The following ARHGAP6 variants were observed in gnomAD, a reference collection of about 807,000 sequenced individuals.
The protein encoded by ARHGAP6 is rho GTPase-activating protein 6.
A neutral mutation model predicts 55.7 loss-of-function variants in ARHGAP6; 16 were observed. That is an observed-to-expected ratio of 0.29 (90% CI 0.19 to 0.44). The LOEUF (loss-of-function observed/expected upper bound fraction) is 0.44, where lower values mean the gene tolerates loss of function less well. Ranked by LOEUF, ARHGAP6 falls within the 20% of genes least tolerant of loss-of-function variation. The pLI is 1.00. For synonymous variants in ARHGAP6, 382 were observed against 360.9 expected, an observed-to-expected ratio of 1.06 and a Z score of -0.66; for missense variants, 698 against 808.9, an observed-to-expected ratio of 0.86 and a Z score of 1.66.
At chrX:11,496,599 T>G (rs909160695) in intron 1 of ARHGAP6, among the ~76,000 whole-genome samples, 4 of 112,225 alleles carry the variant, frequency 3.6e-5, no homozygotes, top group Non-Finnish European at 7.5e-5. Context: ...ATTGTGCTTA[T>G]TTGTAACATT....
At chrX:11,394,620 C>T (rs2049454056) in intron 1 of ARHGAP6, among the ~76,000 whole-genome samples, 2 of 112,059 alleles carry the variant, frequency 1.8e-5, no homozygotes, top group South Asian at 7.4e-4. Flanking sequence ...TAATCTTATA[C>T]ATTCAAAATA....
intron 2 of ARHGAP6, among the ~76,000 whole-genome samples, chrX:11,254,126 T>C (rs999067932): frequency 9.0e-6 from 1 of 111,729 alleles, no homozygotes; most frequent in African/African-American, 3.2e-5. Flanking sequence ...AATCCCTGAT[T>C]CTGAGTTGGC....
intron 1 of ARHGAP6, among the ~76,000 whole-genome samples, chrX:11,332,776 A>G (rs2048577904): frequency 8.9e-6 from 1 of 112,310 alleles, no homozygotes; most frequent in Non-Finnish European, 1.9e-5. Flanking sequence ...CACAAGTTTT[A>G]CATGTTATCA....
intron 1 of ARHGAP6, among the ~76,000 whole-genome samples, chrX:11,453,122 A>G (rs1383665410): frequency 9.4e-6 from 1 of 106,928 alleles, no homozygotes; most frequent in Non-Finnish European, 1.9e-5. Flanking sequence ...AGAAGTGGTC[A>G]AGCTAAAATT....
intron 4 of ARHGAP6, among the ~76,000 whole-genome samples, chrX:11,186,919 C>T (rs1467072717): frequency 2.7e-5 from 3 of 110,592 alleles, no homozygotes; most frequent in Non-Finnish European, 3.8e-5. Flanking sequence ...GAGAAGTGGT[C>T]CTGGGAAACA....
chrX:11,607,805 A>G (rs777367888), intron 1 of ARHGAP6, among the ~76,000 whole-genome samples: 5 of 112,329 alleles, frequency 4.5e-5, no homozygotes, highest in Non-Finnish European at 9.4e-5. Flanking sequence ...TGGGGCAACA[A>G]ATAATTTGTA....
At chrX:11,620,375 A>G (rs2052213725) in intron 1 of ARHGAP6, among the ~76,000 whole-genome samples, 1 of 112,675 alleles carries the variant, frequency 8.9e-6, no homozygotes, top group Admixed American at 9.4e-5. Flanking sequence ...CGAAACATGC[A>G]ATTGTGATAA....
At chrX:11,532,216 A>C (rs1026478932) in intron 1 of ARHGAP6, among the ~76,000 whole-genome samples, 3 of 112,602 alleles carry the variant, frequency 2.7e-5, no homozygotes, top group African/African-American at 9.7e-5. Context: ...CACTTTATAC[A>C]TACGTACCGA....
intron 1 of ARHGAP6, among the ~76,000 whole-genome samples, chrX:11,432,638 T>C (rs1400419807): frequency 8.9e-6 from 1 of 112,230 alleles, no homozygotes; most frequent in Non-Finnish European, 1.9e-5. Context: ...TTTTTAAGTC[T>C]TTTTCATGGG....
chrX:11,427,575 G>A (rs1266794037), intron 1 of ARHGAP6: 1 of 915,119 alleles, frequency 1.1e-6, no homozygotes, highest in Non-Finnish European at 1.4e-6. Context: ...GCTTCTCGCC[G>A]CGGTACACCG....
At chrX:11,481,280 T>C (rs371268225) in intron 1 of ARHGAP6, among the ~76,000 whole-genome samples, 3 of 112,106 alleles carry the variant, frequency 2.7e-5, no homozygotes, top group African/African-American at 9.7e-5. Context: ...TGAGCTTCTC[T>C]TAGGGAAGCT....
intron 1 of ARHGAP6, among the ~76,000 whole-genome samples, chrX:11,473,220 C>T (rs922225047): frequency 7.2e-5 from 8 of 111,373 alleles, no homozygotes; most frequent in Non-Finnish European, 1.5e-4. Flanking sequence ...GAACAAAAGA[C>T]ATGGTACATA....
intron 1 of ARHGAP6, among the ~76,000 whole-genome samples, chrX:11,276,059 A>G (rs1258226422): frequency 8.9e-6 from 1 of 111,865 alleles, no homozygotes; most frequent in East Asian, 2.8e-4. Context: ...TCAAGGTTCC[A>G]AATGACCTAG....
chrX:11,532,191 T>C (rs772000855), intron 1 of ARHGAP6, among the ~76,000 whole-genome samples: 7 of 112,518 alleles, frequency 6.2e-5, no homozygotes, highest in Admixed American at 9.4e-5. Flanking sequence ...TGCCATTTCT[T>C]ATGTTCATCA....
rs1453138765 is a variant in ARHGAP6, at chrX:11,664,740, C to T, written c.89G>A (p.Arg30Lys). Residue 30 changes from arginine (R) to lysine (K), a missense_variant, in exon 1 of 13, where the codon AGG becomes AAG. By Grantham distance (26) the Arg-to-Lys change is conservative. Coordinates refer to ENST00000337414, the MANE Select transcript of ARHGAP6 (RefSeq NM_013427.3). ...CAGGCTGCGGGTCTGGCGCAGCTTC[C>T]TCTTGGAGAAGCCCTTGGCCGAGGC... is the stretch of plus-strand genomic sequence containing the variant. ...SAASAKGFSK[R>K]KLRQTRSLDP... 9 of 1,198,839 alleles carry T rather than the reference C, an allele frequency of 7.5e-6. No individual in the cohort carries two copies. The highest frequency in any genetic ancestry group is 1.0e-5 in the Non-Finnish European group (9 of 890,880).
At chrX:11,503,036 C>G (rs2050696362) in intron 1 of ARHGAP6, among the ~76,000 whole-genome samples, 1 of 110,815 alleles carries the variant, frequency 9.0e-6, no homozygotes, top group Non-Finnish European at 1.9e-5. Context: ...GCTGGGATTA[C>G]AGACGTGCGC....
At chrX:11,261,881 T>G (rs1025140024) in intron 1 of ARHGAP6, among the ~76,000 whole-genome samples, 1 of 111,523 alleles carries the variant, frequency 9.0e-6, no homozygotes, top group Non-Finnish European at 1.9e-5. Flanking sequence ...CACCTTATAA[T>G]GCACAGGACT....
chrX:11,240,362 C>T (rs2047258874), intron 2 of ARHGAP6, among the ~76,000 whole-genome samples: 1 of 111,709 alleles, frequency 9.0e-6, no homozygotes, highest in Admixed American at 9.4e-5. Context: ...TCTAGGAAAG[C>T]GAAACCAGTG....
In ARHGAP6 at chrX:11,416,632, G is replaced by A. The variant is rs188886798; in HGVS notation, c.589-161925C>T. On this transcript the variant is annotated intron_variant, in intron 1 of 12. Coordinates refer to ENST00000337414, the MANE Select transcript of ARHGAP6 (RefSeq NM_013427.3). ...CTTTCCCCAAGAGAGGTCTACGAAC[G>A]GCCACTCCCTTTGAAATGGATGAAT... Among the ~76,000 whole-genome samples, 494 of 110,702 alleles carry A rather than the reference G, an allele frequency of 4.5e-3. 4 individuals are homozygous for A. Among genetic ancestry groups the A allele is most frequent in the African/African-American group, 0.016 (475 of 30,439 alleles).
Sources: gnomAD v4.1 joint callset for allele counts (sites outside exome capture counted in the v4.1 genomes callset) on GRCh38, gnomAD v4.1.1 for gene constraint, MANE v1.5 for transcripts, NCBI Gene and HGNC (gene_info 2026-07-23, HGNC 2026-07-21) for gene names.